Variants in YTHDC1 observed in about 807,000 individuals in gnomAD.
The protein encoded by YTHDC1 is YTH domain-containing protein 1.
A neutral mutation model predicts 107.0 loss-of-function variants in YTHDC1; 12 were observed. The ratio of observed to expected loss-of-function variants is 0.11; its 90% CI spans 0.07 to 0.18. The LOEUF is 0.18. Ranked by LOEUF, YTHDC1 falls within the 10% of genes least tolerant of loss-of-function variation. YTHDC1 has a pLI of 1.00. For synonymous variants in YTHDC1, 280 were observed against 289.5 expected (o/e 0.97, Z 0.33); for missense variants, 635 against 898.8 (o/e 0.71, Z 3.75).
At chr4:68,345,437 T>G (rs929488034) in intron 1 of YTHDC1, among the ~76,000 whole-genome samples, 2 of 152,250 alleles carry the variant, frequency 1.3e-5, no homozygotes, top group African/African-American at 4.8e-5. Flanking sequence ...ATAATTTTAG[T>G]GGGACTTGGC....
At chr4:68,346,021 G>A (rs72846037) in intron 1 of YTHDC1, among the ~76,000 whole-genome samples, 1,875 of 151,014 alleles carry the variant, frequency 0.012, 36 homozygotes, top group African/African-American at 0.044. Flanking sequence ...TAAATGACAC[G>A]ACTGTGTTTG....
intron 1 of YTHDC1, among the ~76,000 whole-genome samples, chr4:68,348,245 C>A (rs532477524): frequency 3.2e-4 from 48 of 152,246 alleles, no homozygotes; most frequent in African/African-American, 1.1e-3. Context: ...ACAACGAATT[C>A]TTGAGAAGTA....
At chr4:68,323,014 T>C in intron 10 of YTHDC1, 99 bp from the exon 11 acceptor site, 1 of 1,212,390 alleles carries the variant, frequency 8.2e-7, no homozygotes, top group South Asian at 1.5e-5. Flanking sequence ...TTGGAAGCTT[T>C]CTTCCCAAGG....
chr4:68,349,577 C>CT lies in YTHDC1; in HGVS notation c.28+148dup, dbSNP rs907586663. ...GGGCAGGCCTGGTCTCCGCCAGAGT[C>CT]TAAGTGTCTCGGTGGGGGCCACCGG... On this transcript the variant is annotated intron_variant, in intron 1 of 16. Transcript: ENST00000344157. 4 of 1,290,240 alleles carry CT rather than the reference C, an allele frequency of 3.1e-6. No individual in the cohort carries two copies. In the African/African-American group the frequency reaches 4.4e-5, roughly 14 times the overall value. 79.9% of individuals were successfully genotyped at this position (1,290,240 alleles called of 1,614,324 possible). A position where few individuals can be genotyped will look rare whatever the true frequency, so the allele number is the denominator to read the frequency against.
Position 68,316,371 on chromosome 4 carries a change from G to T in YTHDC1, c.1902C>A (p.Pro634=). The change falls in exon 16 of 17, where the codon CCC becomes CCA. Residue 634 remains proline (P), a synonymous_variant. Coordinates refer to ENST00000344157, the MANE Select transcript of YTHDC1 (RefSeq NM_001031732.4). ...QHHAPPPQAH[P]PYSGHHPVPH... ...GTACTGGATGATGTCCTGAGTAAGG[G>T]GGATGAGCTTGAGGAGGTGGAGCAT... 1 of 1,614,040 alleles carries T rather than the reference G, an allele frequency of 6.2e-7. No individual in the cohort carries two copies. Among genetic ancestry groups the T allele is most frequent in the South Asian group, 1.1e-5 (1 of 91,082 alleles).
intron 12 of YTHDC1, among the ~76,000 whole-genome samples, chr4:68,319,238 T>G: frequency 6.6e-6 from 1 of 152,302 alleles, no homozygotes; most frequent in South Asian, 2.1e-4. Context: ...ACCTTGGGTA[T>G]ATGTAGGTCT....
Position 68,349,995 on chromosome 4 carries a change from G to T in YTHDC1, c.-242C>A, listed in dbSNP as rs920493055. On this transcript the variant is annotated 5_prime_UTR_variant, in exon 1 of 17. Coordinates refer to ENST00000344157, the MANE Select transcript of YTHDC1 (RefSeq NM_001031732.4). ...GCCTTCTCGTTAGGGCTCAGACTCG[G>T]GCTAGGTATGGGGGAGGGAAGGGAA... is the stretch of plus-strand genomic sequence containing the variant. 1.2e-5 allele frequency: 7 copies of T among 601,832 alleles called. No homozygotes were observed. The East Asian group carries it at 2.0e-4, about 17-fold the overall frequency. 37.3% of individuals were successfully genotyped at this position (601,832 alleles called of 1,614,324 possible).
intron 1 of YTHDC1, among the ~76,000 whole-genome samples, chr4:68,349,376 T>A (rs1287936764): frequency 6.6e-6 from 1 of 152,182 alleles, no homozygotes; most frequent in East Asian, 1.9e-4. Flanking sequence ...ATGGTTGTCC[T>A]GAAAATACGC....
intron 15 of YTHDC1, among the ~76,000 whole-genome samples, chr4:68,316,901 G>A (rs1721920627): frequency 6.6e-6 from 1 of 152,172 alleles, no homozygotes; most frequent in Non-Finnish European, 1.5e-5. Context: ...TTCTGCAGTT[G>A]GTAAACTGGT....
intron 1 of YTHDC1, among the ~76,000 whole-genome samples, chr4:68,339,810 A>G (rs1724617063): frequency 6.6e-6 from 1 of 152,190 alleles, no homozygotes; most frequent in Admixed American, 6.5e-5. Flanking sequence ...TGTGGACTGT[A>G]AAAGCACAAA....
chr4:68,344,872 C>CA (rs925032398), intron 1 of YTHDC1, among the ~76,000 whole-genome samples: 8 of 151,908 alleles, frequency 5.3e-5, no homozygotes, highest in African/African-American at 1.9e-4. Context: ...CCCATCTCTA[C>CA]AAAAAACACA....
At position 68,330,112 on chromosome 4, in the gene YTHDC1, T is replaced by G. The variant is rs1305293991; in HGVS notation, c.1239A>C (p.Ala413=). The change falls in exon 9 of 17, where the codon GCA becomes GCC. Residue 413 remains alanine, a synonymous_variant. Transcript: ENST00000344157. The stretch of plus-strand genomic sequence containing the variant: ...CGTGATGTGATTCTGAAGAAAGTCT[T>G]GCAAACCCTAAGAGAATCATATCAT... ...VRESGKFQGF[A]RLSSESHHGG... is the part of the protein sequence containing the mutation. 1.9e-6 allele frequency: 3 copies of G among 1,612,824 alleles called. No individual in the cohort carries two copies. The highest frequency in any genetic ancestry group is 2.5e-6 in the Non-Finnish European group (3 of 1,179,096).
chr4:68,318,991 G>GCATTTTTGA, intron 12 of YTHDC1, 129 bp from the exon 13 acceptor site: 1 of 905,606 alleles, frequency 1.1e-6, no homozygotes, highest in Non-Finnish European at 1.7e-6. Context: ...TGCTACTACT[G>GCATTTTTGA]TATTATCCCA....
At chr4:68,325,372 A>C (rs1722881818) in intron 9 of YTHDC1, among the ~76,000 whole-genome samples, 1 of 152,196 alleles carries the variant, frequency 6.6e-6, no homozygotes. Context: ...TTAAGCTTGA[A>C]AGAAAACCCA....
At chr4:68,324,060 T>A in intron 10 of YTHDC1, 79 bp downstream of exon 10, 5 of 1,318,910 alleles carry the variant, frequency 3.8e-6, no homozygotes, top group Non-Finnish European at 4.2e-6. Context: ...CAGAAACGGT[T>A]AAAACGAATA....
At chr4:68,336,971 G>C (rs1036759442) in intron 4 of YTHDC1, 56 bp downstream of exon 4, 1 of 1,522,414 alleles carries the variant, frequency 6.6e-7, no homozygotes, top group South Asian at 1.3e-5. Context: ...ACATTTTCAA[G>C]ACTGAAACCT....
chr4:68,340,847 A>G (rs1398925276), intron 1 of YTHDC1, among the ~76,000 whole-genome samples: 1 of 152,118 alleles, frequency 6.6e-6, no homozygotes, highest in African/African-American at 2.4e-5. Context: ...ACAGAATGAA[A>G]TAATTTTGCA....
chr4:68,335,180 A>T (rs1416327469), intron 4 of YTHDC1, among the ~76,000 whole-genome samples: 1 of 152,230 alleles, frequency 6.6e-6, no homozygotes, highest in African/African-American at 2.4e-5. Context: ...ACTGGAATCT[A>T]GAAAATTCAT....
intron 5 of YTHDC1, 27 bp downstream of exon 5, chr4:68,333,281 T>C: frequency 6.4e-7 from 1 of 1,557,810 alleles, no homozygotes; most frequent in Non-Finnish European, 8.8e-7. Flanking sequence ...TAGAATCAAG[T>C]CAGATATGAT....
Sources: allele counts gnomAD v4.1 joint callset (sites outside exome capture counted in the v4.1 genomes callset), GRCh38; gene constraint gnomAD v4.1.1; transcripts MANE v1.5; gene names NCBI Gene and HGNC (gene_info 2026-07-23, HGNC 2026-07-21).